CACNB2: variants seen among roughly 807,000 people sequenced by gnomAD.
CACNB2 encodes calcium voltage-gated channel auxiliary subunit beta 2.
A neutral mutation model predicts 73.3 loss-of-function variants in CACNB2; 42 were observed. The observed-to-expected ratio is 0.57, with a 90% confidence interval of 0.45 to 0.74. The LOEUF (loss-of-function observed/expected upper bound fraction) is 0.74, where lower values mean the gene tolerates loss of function less well. Ranked by LOEUF, CACNB2 falls within the 30% of genes least tolerant of loss-of-function variation. The pLI is 0.00. For synonymous variants in CACNB2, 348 were observed against 310.3 expected (o/e 1.12, Z -1.28); for missense variants, 940 against 853.0 (o/e 1.10, Z -1.27).
chr10:18,447,816 C>T (rs778727594), intron 3 of CACNB2, among the ~76,000 whole-genome samples: 85 of 151,286 alleles, frequency 5.6e-4, no homozygotes, highest in Admixed American at 7.9e-4. Context: ...AGAGGAAGAA[C>T]AAGATTCAGA....
At chr10:18,474,473 A>G (rs1406397557) in intron 3 of CACNB2, among the ~76,000 whole-genome samples, 2 of 152,152 alleles carry the variant, frequency 1.3e-5, no homozygotes, top group East Asian at 3.9e-4. Flanking sequence ...CTAAGGTGCA[A>G]TTAGGCAATC....
chr10:18,375,223 A>G (rs548963758), intron 2 of CACNB2, among the ~76,000 whole-genome samples: 1 of 152,170 alleles, frequency 6.6e-6, no homozygotes, highest in Non-Finnish European at 1.5e-5. Context: ...AAAATAAAAA[A>G]TAATTGGGAG....
At chr10:18,463,387 T>A (rs1383027260) in intron 3 of CACNB2, among the ~76,000 whole-genome samples, 9 of 152,004 alleles carry the variant, frequency 5.9e-5, no homozygotes. Flanking sequence ...TTGTGTTCTT[T>A]GTTTCTCACC....
chr10:18,389,259 C>T (rs968421625), intron 2 of CACNB2, among the ~76,000 whole-genome samples: 2 of 152,150 alleles, frequency 1.3e-5, no homozygotes, highest in African/African-American at 4.8e-5. Flanking sequence ...GCCTCAGCTT[C>T]CCAAGTAGCT....
intron 3 of CACNB2, among the ~76,000 whole-genome samples, chr10:18,473,530 C>T (rs954264170): frequency 2.6e-5 from 4 of 152,096 alleles, no homozygotes; most frequent in Non-Finnish European, 1.5e-5. Flanking sequence ...AGACAGCAAG[C>T]CTGAAAATAG....
intron 2 of CACNB2, among the ~76,000 whole-genome samples, chr10:18,321,620 G>T (rs1474615025): frequency 6.6e-6 from 1 of 152,136 alleles, no homozygotes; most frequent in African/African-American, 2.4e-5. Flanking sequence ...CATATTGCAT[G>T]CCTGTATCAA....
Position 18,356,448 on chromosome 10 carries a change from G to T in CACNB2, c.214-45476G>T, listed in dbSNP as rs147705513. Among the ~76,000 whole-genome samples the T allele has an allele frequency of 2.7e-3, 409 of 152,036 alleles. 1 individual carries two copies. Among genetic ancestry groups the T allele is most frequent in the Middle Eastern group, 0.01 (3 of 294 alleles). On this transcript the variant is annotated intron_variant, in intron 2 of 13. Transcript: ENST00000324631. ...TGTTGTTGTTATTATTTTAAACCTGGAATATTCCTCCCTGCCCTTTACTTT... is the reference window on the plus strand; with the variant it reads ...TGTTGTTGTTATTATTTTAAACCTGTAATATTCCTCCCTGCCCTTTACTTT...
chr10:18,237,351 T>G (rs768994337), intron 2 of CACNB2, among the ~76,000 whole-genome samples: 13 of 152,166 alleles, frequency 8.5e-5, no homozygotes, highest in Non-Finnish European at 1.6e-4. Flanking sequence ...GATGTCCTTA[T>G]AAGAAGAGAA....
chr10:18,278,531 A>G lies in CACNB2; in HGVS notation c.214-123393A>G, dbSNP rs184702792. Among the ~76,000 whole-genome samples the G allele has an allele frequency of 6.9e-3, 1,046 of 152,248 alleles. 10 individuals are homozygous for G. The highest frequency in any genetic ancestry group is 0.023 in the African/African-American group (975 of 41,532). ...CGCAGTGACAGGGGCTATTGAGAGA[A>G]AAACAAAGAAAATGAAACATAAATA... On this transcript the variant is annotated intron_variant, in intron 2 of 13. Transcript: ENST00000324631.
intron 3 of CACNB2, among the ~76,000 whole-genome samples, chr10:18,436,862 C>T (rs1221986799): frequency 6.6e-6 from 1 of 152,090 alleles, no homozygotes; most frequent in East Asian, 1.9e-4. Flanking sequence ...AGGCTTTTTT[C>T]CCCTCAGAAT....
Position 18,178,319 on chromosome 10 carries a change from T to C in CACNB2, c.213+27344T>C, listed in dbSNP as rs76193966. On this transcript the variant is annotated intron_variant, in intron 2 of 13. Coordinates refer to ENST00000324631, the MANE Select transcript of CACNB2 (RefSeq NM_201596.3). ...ATTTAAAAGTCATTTTAAATGGCAC[T>C]TTTAGCATTAACTCTACCTATTAGG... Among the ~76,000 whole-genome samples, 10 of 152,334 alleles carry C rather than the reference T, an allele frequency of 6.6e-5. No individual in the cohort carries two copies. In the East Asian group the frequency reaches 1.9e-3, roughly 29 times the overall value.
In CACNB2 at chr10:18,533,552, GT is replaced by G. The variant is rs151328604; in HGVS notation, c.1055-519del. ...ACTTTGGTTGGAAAATATGAGGTGT[GT>G]TTTTGGATAAGTTTCTTTCTGGTGC... On this transcript the variant is annotated intron_variant, in intron 10 of 13. Transcript: ENST00000324631. 3.5e-3 allele frequency among the ~76,000 whole-genome samples: 540 copies of G among 152,260 alleles called. 1 individual carries two copies. Among genetic ancestry groups the G allele is most frequent in the African/African-American group, 0.012 (507 of 41,548 alleles).
intron 11 of CACNB2, among the ~76,000 whole-genome samples, chr10:18,534,925 C>G (rs1239106093): frequency 6.6e-6 from 1 of 152,282 alleles, no homozygotes; most frequent in South Asian, 2.1e-4. Flanking sequence ...AAGCCTGTCA[C>G]TTAAAGGAGA....
intron 3 of CACNB2, among the ~76,000 whole-genome samples, chr10:18,450,630 T>TTC (rs918365161): frequency 1.3e-5 from 2 of 149,374 alleles, no homozygotes; most frequent in African/African-American, 4.9e-5. Context: ...TTTTTTCTTT[T>TTC]TTTTTTTTTT....
chr10:18,496,740 G>A (rs1254501821), intron 3 of CACNB2, among the ~76,000 whole-genome samples: 2 of 145,108 alleles, frequency 1.4e-5, no homozygotes, highest in African/African-American at 2.6e-5. Context: ...CTTGAATGCA[G>A]GAGGCGGAGG....
At chr10:18,279,746 C>G (rs1318128634) in intron 2 of CACNB2, among the ~76,000 whole-genome samples, 2 of 152,188 alleles carry the variant, frequency 1.3e-5, no homozygotes, top group African/African-American at 4.8e-5. Flanking sequence ...TCTTCAAAGT[C>G]ATTGGTACTA....
At position 18,540,009 on chromosome 10, in the gene CACNB2, T is replaced by C. The variant is rs2053981657; in HGVS notation, c.*285T>C. 2.8e-6 allele frequency: 1 copy of C among 354,216 alleles called. No homozygotes were observed. The allele number at this position is 354,216 out of a possible 1,614,324, so 21.9% of individuals were successfully genotyped here. On this transcript the variant is annotated 3_prime_UTR_variant, in exon 14 of 14. Transcript: ENST00000324631. ...GTAGCTGCCACTTGAACAAAATCTG[T>C]TGCCACCCAGGTGATGTTAGTGTTT...
chr10:18,243,877 C>T (rs916992851), intron 2 of CACNB2, among the ~76,000 whole-genome samples: 9 of 152,276 alleles, frequency 5.9e-5, no homozygotes, highest in Admixed American at 2.0e-4. Context: ...AACCCAGCCT[C>T]AAGTATTCAG....
At chr10:18,502,689 CAAAAAAAAAAAAAAA>C (rs71200974) in intron 5 of CACNB2, among the ~76,000 whole-genome samples, 2 of 73,256 alleles carry the variant, frequency 2.7e-5, no homozygotes, top group Admixed American at 2.2e-4. Flanking sequence ...GACTCCATCT[CAAAAAAAAAAAAAAA>C]AAAAAAAAAA....
Sources: allele counts gnomAD v4.1 joint callset (sites outside exome capture counted in the v4.1 genomes callset), GRCh38; gene constraint gnomAD v4.1.1; transcripts MANE v1.5; gene names NCBI Gene and HGNC (gene_info 2026-07-23, HGNC 2026-07-21).